Variants in ST6GALNAC5 observed in about 807,000 individuals in gnomAD.
ST6GALNAC5 encodes the protein ST6 N-acetylgalactosaminide alpha-2,6-sialyltransferase 5, also known as alpha-N-acetylgalactosaminide alpha-2,6-sialyltransferase 5.
Under a neutral mutation model 33.6 loss-of-function variants are expected in ST6GALNAC5, and 27 were observed. That is an observed-to-expected ratio of 0.80 (90% CI 0.59 to 1.11). The LOEUF (loss-of-function observed/expected upper bound fraction) is 1.11, where lower values mean the gene tolerates loss of function less well. Ranked by LOEUF, ST6GALNAC5 falls within the 50% of genes least tolerant of loss-of-function variation. The pLI is 0.00. For synonymous variants in ST6GALNAC5, 194 were observed against 171.2 expected (o/e 1.13, Z -1.04); for missense variants, 428 against 454.0 (o/e 0.94, Z 0.52).
chr1:77,056,824 C>T (rs777972283), intron 4 of ST6GALNAC5, among the ~76,000 whole-genome samples: 1 of 152,174 alleles, frequency 6.6e-6, no homozygotes, highest in African/African-American at 2.4e-5. Context: ...GCTCTTGGTG[C>T]TCCATGCGCC....
chr1:76,890,529 C>T lies in ST6GALNAC5; in HGVS notation c.261+21787C>T, dbSNP rs185598680. ...CTGTCTGCAATGCCCATTCATTATG[C>T]TAGATTTTTACTTCAGTTTTTTTTT... On this transcript the variant is annotated intron_variant, in intron 2 of 4. Transcript: ENST00000477717. 2.6e-3 allele frequency among the ~76,000 whole-genome samples: 374 copies of T among 144,986 alleles called. 3 individuals carry two copies. The highest frequency in any genetic ancestry group is 8.2e-4 in the Non-Finnish European group (54 of 65,898).
chr1:76,912,136 G>A lies in ST6GALNAC5; in HGVS notation c.261+43394G>A, dbSNP rs548653077. 6.7e-4 allele frequency among the ~76,000 whole-genome samples: 102 copies of A among 151,838 alleles called. 2 individuals are homozygous for A. The highest frequency in any genetic ancestry group is 2.1e-3 in the African/African-American group (88 of 41,446). ...TCTGGTATGTTGTGTCTTTGTTCTCGTTGGTTTCAGAGAACATCTTTATTT... is the reference window on the plus strand; with the variant it reads ...TCTGGTATGTTGTGTCTTTGTTCTCATTGGTTTCAGAGAACATCTTTATTT... On this transcript the variant is annotated intron_variant, in intron 2 of 4. Transcript: ENST00000477717.
intron 2 of ST6GALNAC5, among the ~76,000 whole-genome samples, chr1:77,029,754 T>C (rs1651383837): frequency 6.6e-6 from 1 of 152,252 alleles, no homozygotes; most frequent in African/African-American, 2.4e-5. Flanking sequence ...TTTTGAAGCC[T>C]GGTTGAGAAA....
chr1:76,926,519 T>C (rs1647086818), intron 2 of ST6GALNAC5, among the ~76,000 whole-genome samples: 1 of 152,180 alleles, frequency 6.6e-6, no homozygotes, highest in Non-Finnish European at 1.5e-5. Flanking sequence ...AAAAGTATTT[T>C]AATTGTTGCA....
At chr1:76,974,233 A>T (rs539702278) in intron 2 of ST6GALNAC5, among the ~76,000 whole-genome samples, 19 of 144,046 alleles carry the variant, frequency 1.3e-4, no homozygotes, top group African/African-American at 4.8e-4. Context: ...TTTTTTTAGA[A>T]ATAAGGCCTC....
intron 2 of ST6GALNAC5, among the ~76,000 whole-genome samples, chr1:76,994,423 C>T (rs566689269): frequency 1.3e-5 from 2 of 152,176 alleles, no homozygotes; most frequent in Admixed American, 1.3e-4. Flanking sequence ...CAACTAGATT[C>T]GAAATGACAT....
chr1:76,937,952 G>T (rs1047197707), intron 2 of ST6GALNAC5, among the ~76,000 whole-genome samples: 1 of 151,880 alleles, frequency 6.6e-6, no homozygotes, highest in East Asian at 1.9e-4. Flanking sequence ...GTTTCCTGTC[G>T]GATTTAGTTT....
intron 2 of ST6GALNAC5, among the ~76,000 whole-genome samples, chr1:76,957,794 T>C (rs1455929964): frequency 2.0e-5 from 3 of 152,182 alleles, no homozygotes; most frequent in Non-Finnish European, 4.4e-5. Flanking sequence ...ATAGAGATCA[T>C]ATTCATATTT....
At chr1:76,945,297 G>A (rs1286237871) in intron 2 of ST6GALNAC5, among the ~76,000 whole-genome samples, 2 of 151,908 alleles carry the variant, frequency 1.3e-5, no homozygotes, top group East Asian at 3.9e-4. Flanking sequence ...TAAAAAGGCT[G>A]TGTCAAAATA....
chr1:76,875,641 G>A (rs945704520), intron 2 of ST6GALNAC5, among the ~76,000 whole-genome samples: 6 of 152,152 alleles, frequency 3.9e-5, no homozygotes, highest in African/African-American at 1.4e-4. Flanking sequence ...ACATTATGTT[G>A]CAGGAACAGG....
chr1:77,011,435 C>T (rs944426492), intron 2 of ST6GALNAC5, among the ~76,000 whole-genome samples: 1 of 152,158 alleles, frequency 6.6e-6, no homozygotes, highest in African/African-American at 2.4e-5. Flanking sequence ...AGAGATATTC[C>T]CTGGGTATGT....
intron 2 of ST6GALNAC5, among the ~76,000 whole-genome samples, chr1:76,901,847 T>G (rs1646820038): frequency 6.6e-6 from 1 of 152,258 alleles, no homozygotes; most frequent in Non-Finnish European, 1.5e-5. Flanking sequence ...GTTCATCAGA[T>G]AGCCATATAA....
At chr1:76,946,699 C>T (rs1647529519) in intron 2 of ST6GALNAC5, among the ~76,000 whole-genome samples, 1 of 152,038 alleles carries the variant, frequency 6.6e-6, no homozygotes, top group Non-Finnish European at 1.5e-5. Flanking sequence ...TTTAGTTTTA[C>T]CACTTTAAAT....
At chr1:76,975,680 A>G (rs1648981061) in intron 2 of ST6GALNAC5, among the ~76,000 whole-genome samples, 1 of 152,202 alleles carries the variant, frequency 6.6e-6, no homozygotes, top group African/African-American at 2.4e-5. Context: ...AAGAATATGT[A>G]CTGTGTGATA....
At chr1:76,971,712 A>G (rs1648765018) in intron 2 of ST6GALNAC5, among the ~76,000 whole-genome samples, 1 of 152,176 alleles carries the variant, frequency 6.6e-6, no homozygotes, top group African/African-American at 2.4e-5. Flanking sequence ...ATCATCCAAC[A>G]CAAAGCCTGT....
intron 4 of ST6GALNAC5, among the ~76,000 whole-genome samples, chr1:77,057,413 T>C (rs1356562896): frequency 6.6e-6 from 1 of 152,222 alleles, no homozygotes; most frequent in Non-Finnish European, 1.5e-5. Flanking sequence ...ACCAGAGCCT[T>C]CAGAAATGAA....
At chr1:77,011,024 G>A (rs1169065933) in intron 2 of ST6GALNAC5, among the ~76,000 whole-genome samples, 4 of 152,208 alleles carry the variant, frequency 2.6e-5, no homozygotes, top group African/African-American at 9.6e-5. Flanking sequence ...CCTTTTCCTT[G>A]AAGTCTGAGG....
intron 2 of ST6GALNAC5, among the ~76,000 whole-genome samples, chr1:76,880,432 A>G (rs937935356): frequency 6.6e-6 from 1 of 152,198 alleles, no homozygotes; most frequent in African/African-American, 2.4e-5. Flanking sequence ...AGCATTCTCT[A>G]GAGAGATAGA....
intron 2 of ST6GALNAC5, among the ~76,000 whole-genome samples, chr1:76,879,503 G>A (rs919496575): frequency 2.4e-4 from 36 of 152,154 alleles, no homozygotes; most frequent in African/African-American, 8.4e-4. Context: ...TTCAAGTGTA[G>A]CACACCTCCT....
Sources: gnomAD v4.1 joint callset for allele counts (sites outside exome capture counted in the v4.1 genomes callset) on GRCh38, gnomAD v4.1.1 for gene constraint, MANE v1.5 for transcripts, NCBI Gene and HGNC (gene_info 2026-07-23, HGNC 2026-07-21) for gene names.